Variants in TMEM38B observed in about 807,000 individuals in gnomAD.
TMEM38B encodes transmembrane protein 38B.
A neutral mutation model predicts 28.7 loss-of-function variants in TMEM38B; 24 were observed. The observed-to-expected ratio is 0.84, with a 90% CI of 0.61 to 1.18. TMEM38B has a LOEUF of 1.18. Ranked by LOEUF, TMEM38B falls within the 50% of genes most tolerant of loss-of-function variation. The probability of loss-of-function intolerance (pLI) is 0.00; values close to 1 mark genes in which losing one functional copy is unlikely to be tolerated. For missense variants in TMEM38B, 380 were observed against 350.9 expected, an observed-to-expected ratio of 1.08 and a Z score of -0.66; for synonymous variants, 131 against 127.7, an observed-to-expected ratio of 1.03 and a Z score of -0.17.
At chr9:105,703,825 T>C (rs1483736857) in intron 1 of TMEM38B, among the ~76,000 whole-genome samples, 3 of 152,186 alleles carry the variant, frequency 2.0e-5, no homozygotes, top group Admixed American at 6.5e-5. Context: ...TTCATGTGTT[T>C]TTTGGCTGCA....
At position 105,705,522 on chromosome 9, in the gene TMEM38B, A is replaced by G; in HGVS notation, c.113-75A>G. Reference sequence around the variant, plus strand: ...ATGAATTTAAGAAGTTTATTTGTTTAGTGCAACTTGTACTTTGGGGCTTGT... The same window carrying G: ...ATGAATTTAAGAAGTTTATTTGTTTGGTGCAACTTGTACTTTGGGGCTTGT... On this transcript the variant is annotated intron_variant, in intron 1 of 5. Transcript: ENST00000374692. 3 of 1,353,080 alleles carry G rather than the reference A, an allele frequency of 2.2e-6. 1 individual carries two copies. The East Asian group carries it at 7.2e-5, about 32-fold the overall frequency. The allele number at this position is 1,353,080 out of a possible 1,614,324, so 83.8% of individuals were successfully genotyped here.
chr9:105,732,802 G>T (rs1483663584), intron 4 of TMEM38B, among the ~76,000 whole-genome samples: 2 of 152,028 alleles, frequency 1.3e-5, no homozygotes, highest in African/African-American at 4.8e-5. Context: ...GCTCTTTTTT[G>T]GTTTTGTATG....
chr9:105,716,509 T>G (rs1836103076), intron 2 of TMEM38B, among the ~76,000 whole-genome samples: 1 of 152,220 alleles, frequency 6.6e-6, no homozygotes. Flanking sequence ...TGCCAAGTAG[T>G]ACAGTGTTGT....
intron 1 of TMEM38B, among the ~76,000 whole-genome samples, chr9:105,701,939 G>T (rs535074129): frequency 2.8e-4 from 43 of 152,282 alleles, no homozygotes; most frequent in Non-Finnish European, 5.3e-4. Flanking sequence ...CTAAGGCTGG[G>T]TGCAGTGGCT....
intron 4 of TMEM38B, among the ~76,000 whole-genome samples, chr9:105,736,452 T>G (rs1285790519): frequency 6.6e-6 from 1 of 152,246 alleles, no homozygotes; most frequent in African/African-American, 2.4e-5. Context: ...TGATTGGTTC[T>G]TTTTAAATGA....
intron 4 of TMEM38B, among the ~76,000 whole-genome samples, chr9:105,736,969 T>G (rs1284869769): frequency 6.6e-6 from 1 of 152,186 alleles, no homozygotes. Context: ...GCAAGGACTT[T>G]TGGGGTCCTC....
intron 4 of TMEM38B, among the ~76,000 whole-genome samples, chr9:105,734,145 T>C (rs1836880094): frequency 6.6e-6 from 1 of 152,188 alleles, no homozygotes; most frequent in South Asian, 2.1e-4. Flanking sequence ...CTTATTTCCA[T>C]TGTCATTTGT....
At chr9:105,754,875 A>G (rs770600448) in intron 5 of TMEM38B, among the ~76,000 whole-genome samples, 1 of 152,192 alleles carries the variant, frequency 6.6e-6, no homozygotes, top group Non-Finnish European at 1.5e-5. Flanking sequence ...ACTACTAGCT[A>G]GACTAATAAA....
chr9:105,703,892 G>A (rs974389311), intron 1 of TMEM38B, among the ~76,000 whole-genome samples: 5 of 151,972 alleles, frequency 3.3e-5, no homozygotes, highest in Admixed American at 2.6e-4. Context: ...TTTTGATGGG[G>A]TTGTTTGTTT....
Position 105,759,509 on chromosome 9 carries a change from G to C in TMEM38B, c.660+11319G>C. 6 of 1,580,316 alleles carry C rather than the reference G, an allele frequency of 3.8e-6. No homozygotes were observed. In the South Asian group the frequency reaches 5.7e-5, roughly 15 times the overall value. ...AGTGCTAATGACATAATGGGAGGAA[G>C]CTGTCATAATTTAATAGGGTTAAGT... is the stretch of plus-strand genomic sequence containing the variant. On this transcript the variant is annotated intron_variant, in intron 5 of 5. Coordinates refer to ENST00000374692, the MANE Select transcript of TMEM38B (RefSeq NM_018112.3).
chr9:105,766,880 TC>T (rs1160152767), intron 5 of TMEM38B, among the ~76,000 whole-genome samples: 1 of 130,274 alleles, frequency 7.7e-6, no homozygotes, highest in African/African-American at 2.8e-5. Context: ...CTTAGTGCTA[TC>T]CCTCCCCCCT....
intron 1 of TMEM38B, among the ~76,000 whole-genome samples, chr9:105,704,636 A>G (rs1327570077): frequency 1.3e-5 from 2 of 151,670 alleles, no homozygotes; most frequent in African/African-American, 2.4e-5. Context: ...AGAAATAACC[A>G]CAGAAGTGGC....
At chr9:105,752,096 G>C (rs370573726) in intron 5 of TMEM38B, among the ~76,000 whole-genome samples, 4 of 151,962 alleles carry the variant, frequency 2.6e-5, no homozygotes, top group Admixed American at 6.5e-5. Context: ...TTTTTAAGCC[G>C]GGCCATGATC....
chr9:105,699,250 C>CA (rs1380883459), intron 1 of TMEM38B, among the ~76,000 whole-genome samples: 1 of 152,086 alleles, frequency 6.6e-6, no homozygotes, highest in Non-Finnish European at 1.5e-5. Flanking sequence ...CCTCCTACTC[C>CA]AACACCACTT....
chr9:105,720,144 T>C (rs1377971910), intron 2 of TMEM38B, among the ~76,000 whole-genome samples: 1 of 152,118 alleles, frequency 6.6e-6, no homozygotes, highest in Non-Finnish European at 1.5e-5. Flanking sequence ...TAGTTTATTC[T>C]TTTTTCTCAA....
chr9:105,745,592 T>C (rs1837359165), intron 4 of TMEM38B, among the ~76,000 whole-genome samples: 1 of 152,198 alleles, frequency 6.6e-6, no homozygotes, highest in South Asian at 2.1e-4. Context: ...TTGAGTTTAA[T>C]TAGATCCCAT....
chr9:105,705,163 T>C (rs1296716481), intron 1 of TMEM38B, among the ~76,000 whole-genome samples: 4 of 152,264 alleles, frequency 2.6e-5, no homozygotes. Context: ...CTCACCTGTC[T>C]TGTTGAAAGC....
At chr9:105,727,430 A>G (rs1466842956) in intron 4 of TMEM38B, among the ~76,000 whole-genome samples, 1 of 152,228 alleles carries the variant, frequency 6.6e-6, no homozygotes, top group African/African-American at 2.4e-5. Flanking sequence ...CATTGCATAT[A>G]CAAGGTGACT....
chr9:105,724,635 AAAGAAG>A (rs71366012), intron 4 of TMEM38B, among the ~76,000 whole-genome samples: 27 of 144,828 alleles, frequency 1.9e-4, no homozygotes, highest in African/African-American at 6.9e-4. Context: ...AAAAAAAAAA[AAAGAAG>A]AAGGTGGAAA....
Sources: gnomAD v4.1 joint callset for allele counts (sites outside exome capture counted in the v4.1 genomes callset) on GRCh38, gnomAD v4.1.1 for gene constraint, MANE v1.5 for transcripts, NCBI Gene and HGNC (gene_info 2026-07-23, HGNC 2026-07-21) for gene names.